The following SLC22A25 variants were observed in gnomAD, a reference collection of about 807,000 sequenced individuals.
SLC22A25 encodes solute carrier family 22 member 25.
SLC22A25 carries 44 observed loss-of-function variants against 45.9 expected under a neutral mutation model. The observed-to-expected ratio is 0.96, with a 90% CI of 0.75 to 1.23. SLC22A25 has a LOEUF of 1.23. Among genes scored for constraint, SLC22A25 ranks in the 50% most tolerant of loss-of-function variants. The pLI is 0.00. For missense variants in SLC22A25, 800 were observed against 666.4 expected (o/e 1.20, Z -2.21); for synonymous variants, 283 against 238.6 (o/e 1.19, Z -1.72).
intron 1 of SLC22A25, among the ~76,000 whole-genome samples, chr11:63,242,634 A>G (rs1230431499): frequency 6.6e-6 from 1 of 152,130 alleles, no homozygotes; most frequent in Admixed American, 6.5e-5. Flanking sequence ...CAGTCCACTG[A>G]CTCAAATGTT....
chr11:63,211,379 A>T (rs957023651), intron 7 of SLC22A25, among the ~76,000 whole-genome samples: 3 of 152,168 alleles, frequency 2.0e-5, no homozygotes, highest in Non-Finnish European at 2.9e-5. Context: ...GGCCACTGTG[A>T]CTATCCATGC....
At chr11:63,173,876 T>C (rs2087982700) in intron 9 of SLC22A25, among the ~76,000 whole-genome samples, 1 of 151,168 alleles carries the variant, frequency 6.6e-6, no homozygotes, top group South Asian at 2.1e-4. Context: ...AGGGGCTAGC[T>C]ATTCAAGGTT....
At chr11:63,198,883 C>T (rs1272030079) in intron 7 of SLC22A25, among the ~76,000 whole-genome samples, 1 of 151,968 alleles carries the variant, frequency 6.6e-6, no homozygotes, top group African/African-American at 2.4e-5. Context: ...AACATACCAG[C>T]ATCTCTGGGA....
chr11:63,229,502 C>T lies in SLC22A25; in HGVS notation c.151G>A (p.Val51Ile), dbSNP rs959181452. ...AAFILDHRCW[V>I]HILDNDTIPD... ...ATAGTGTCATTGTCCAGTATATGAA[C>T]CCAGCAGCGATGATCAAGTATGAAT... The change falls in exon 4 of 12, where the codon GTT (valine) becomes ATT (isoleucine). Residue 51 changes from valine to isoleucine, a missense_variant. Val to Ile is a conservative substitution (Grantham distance 29). Transcript: ENST00000306494. The T allele has an allele frequency of 1.7e-5, 28 of 1,613,994 alleles. No individual in the cohort carries two copies. The highest frequency in any genetic ancestry group is 2.7e-5 in the African/African-American group (2 of 74,916).
intron 3 of SLC22A25, among the ~76,000 whole-genome samples, chr11:63,237,104 A>G (rs148382616): frequency 6.6e-6 from 1 of 152,316 alleles, no homozygotes; most frequent in African/African-American, 2.4e-5. Context: ...AAAACCAAAT[A>G]TTGCATGTTC....
intron 7 of SLC22A25, among the ~76,000 whole-genome samples, chr11:63,203,587 G>A (rs926963734): frequency 1.3e-5 from 2 of 151,858 alleles, no homozygotes; most frequent in African/African-American, 4.8e-5. Flanking sequence ...ATGAAATAAG[G>A]TGTGAAGACA....
Position 63,174,031 on chromosome 11 carries a change from C to A in SLC22A25, c.1070+6629G>T, listed in dbSNP as rs142587766. On this transcript the variant is annotated intron_variant, in intron 9 of 11. Coordinates refer to ENST00000306494, the MANE Select transcript of SLC22A25 (RefSeq NM_199352.6). ...CTCATCACCTACATTAGGTATTTCT[C>A]CTAATGTTATCCCTCCCCTAACCCA... Among the ~76,000 whole-genome samples, 463 of 151,894 alleles carry A rather than the reference C, an allele frequency of 3.0e-3. 1 individual carries two copies. Among genetic ancestry groups the A allele is most frequent in the Non-Finnish European group, 4.1e-3 (277 of 67,952 alleles).
rs2087523264 is a variant in SLC22A25, at chr11:63,160,364, G to C, written c.*3460C>G. On this transcript the variant is annotated 3_prime_UTR_variant, in exon 12 of 12. Coordinates refer to ENST00000306494, the MANE Select transcript of SLC22A25 (RefSeq NM_199352.6). ...GGGCCAAGGTACAGATCAGGCTGTGGCTTCAGAGGGTGCAAGCCCCAAGCC... is the reference window on the plus strand; with the variant it reads ...GGGCCAAGGTACAGATCAGGCTGTGCCTTCAGAGGGTGCAAGCCCCAAGCC... Among the ~76,000 whole-genome samples, 1 of 152,196 alleles carries C rather than the reference G, an allele frequency of 6.6e-6. No homozygotes were observed. The highest frequency in any genetic ancestry group is 2.4e-5 in the African/African-American group (1 of 41,454).
intron 3 of SLC22A25, among the ~76,000 whole-genome samples, chr11:63,236,137 G>T (rs963389255): frequency 3.3e-5 from 5 of 152,198 alleles, no homozygotes; most frequent in Admixed American, 6.5e-5. Context: ...ATCTCAAGCT[G>T]CGTGCTGGGA....
intron 7 of SLC22A25, among the ~76,000 whole-genome samples, chr11:63,185,479 A>G (rs2134741541): frequency 6.6e-6 from 1 of 151,682 alleles, no homozygotes; most frequent in Admixed American, 6.6e-5. Context: ...ATCCTTTTTT[A>G]TGGCTGCATA....
In SLC22A25 at chr11:63,238,722, C is replaced by A; in HGVS notation, c.-582G>T. On this transcript the variant is annotated 5_prime_UTR_variant, in exon 2 of 12. The change abolishes the stop of an existing upstream ORF in the 5' untranslated region. Transcript: ENST00000306494. ...AGGAAATTGGGGCCTCTTACCCAGT[C>A]ACGATGGTGGAGAGGAAGGAGCTTC... 2 of 200,344 alleles carry A rather than the reference C, an allele frequency of 1.0e-5. No individual in the cohort carries two copies. The highest frequency in any genetic ancestry group is 2.2e-4 in the South Asian group (2 of 9,262). 12.4% of individuals were successfully genotyped at this position (200,344 alleles called of 1,614,324 possible).
intron 1 of SLC22A25, among the ~76,000 whole-genome samples, chr11:63,239,736 G>A (rs2090217693): frequency 6.6e-6 from 1 of 152,170 alleles, no homozygotes; most frequent in African/African-American, 2.4e-5. Flanking sequence ...GGCAGAGTCA[G>A]GGTAGTGAAG....
intron 7 of SLC22A25, among the ~76,000 whole-genome samples, chr11:63,216,115 T>C (rs2089704205): frequency 6.6e-6 from 1 of 152,148 alleles, no homozygotes; most frequent in Admixed American, 6.5e-5. Context: ...CCGACTATTA[T>C]GAAAAAATGC....
intron 1 of SLC22A25, among the ~76,000 whole-genome samples, chr11:63,240,841 A>C (rs947489811): frequency 6.6e-6 from 1 of 152,198 alleles, no homozygotes; most frequent in Non-Finnish European, 1.5e-5. Flanking sequence ...CTGTCTGTGT[A>C]AATGGTACTC....
chr11:63,230,120 T>C (rs1470293385), intron 3 of SLC22A25, among the ~76,000 whole-genome samples, 24 bp from the exon 4 acceptor site: 1 of 152,184 alleles, frequency 6.6e-6, no homozygotes, highest in Admixed American at 6.5e-5. Flanking sequence ...AGAAAGCAAA[T>C]GTCTTTCTTG....
intron 7 of SLC22A25, among the ~76,000 whole-genome samples, chr11:63,212,621 AAC>A (rs2089602172): frequency 7.1e-6 from 1 of 140,266 alleles, no homozygotes; most frequent in Non-Finnish European, 1.5e-5. Context: ...GAGCAATGAG[AAC>A]ACATGGACGC....
intron 9 of SLC22A25, among the ~76,000 whole-genome samples, chr11:63,173,204 A>G (rs892156679): frequency 3.9e-5 from 5 of 126,812 alleles, no homozygotes; most frequent in African/African-American, 1.2e-4. Flanking sequence ...GACATCACAC[A>G]CTGGGGCCTG....
intron 7 of SLC22A25, among the ~76,000 whole-genome samples, chr11:63,186,920 C>T (rs905296725): frequency 2.0e-5 from 3 of 152,068 alleles, no homozygotes; most frequent in African/African-American, 4.8e-5. Flanking sequence ...GTTTTGGTAC[C>T]AGTACCATGC....
intron 3 of SLC22A25, among the ~76,000 whole-genome samples, chr11:63,232,844 G>GT (rs1050304812): frequency 3.3e-5 from 5 of 152,162 alleles, no homozygotes; most frequent in Non-Finnish European, 7.4e-5. Context: ...TTAGCATGAA[G>GT]TGTTGTTGCA....
Sources: gnomAD v4.1 joint callset for allele counts (sites outside exome capture counted in the v4.1 genomes callset) on GRCh38, gnomAD v4.1.1 for gene constraint, MANE v1.5 for transcripts, NCBI Gene and HGNC (gene_info 2026-07-23, HGNC 2026-07-21) for gene names.